The following WDR7 variants were observed in gnomAD, a reference collection of about 807,000 sequenced individuals.
The protein encoded by WDR7 is WD repeat domain 7.
WDR7 carries 46 observed loss-of-function variants against 169.4 expected under a neutral mutation model. That is an observed-to-expected ratio of 0.27 (90% CI 0.21 to 0.35). WDR7 has a LOEUF of 0.35. WDR7 is among the 10% of genes least tolerant of loss of function. The probability of loss-of-function intolerance (pLI) is 1.00; values close to 1 mark genes in which losing one functional copy is unlikely to be tolerated. For synonymous variants in WDR7, 612 were observed against 666.8 expected (o/e 0.92, Z 1.27); for missense variants, 1,534 against 1,859.3 (o/e 0.83, Z 3.22).
At chr18:56,686,735 G>T (rs2025451336) in intron 6 of WDR7, 120 bp from the exon 7 acceptor site, 3 of 825,356 alleles carry the variant, frequency 3.6e-6, no homozygotes, top group South Asian at 3.3e-5. Flanking sequence ...TTACCTGAGG[G>T]GCTAAAATGA....
At chr18:56,718,641 A>G (rs1433739212) in intron 13 of WDR7, among the ~76,000 whole-genome samples, 1 of 152,236 alleles carries the variant, frequency 6.6e-6, no homozygotes, top group Non-Finnish European at 1.5e-5. Flanking sequence ...TATAATGTAG[A>G]AATAGTAATG....
intron 26 of WDR7, among the ~76,000 whole-genome samples, chr18:56,976,360 G>C (rs1375055586): frequency 2.6e-5 from 4 of 152,156 alleles, no homozygotes; most frequent in African/African-American, 9.7e-5. Flanking sequence ...TGAGACAACG[G>C]AAAGATTTAG....
At chr18:56,671,207 G>A (rs1212043621) in intron 1 of WDR7, among the ~76,000 whole-genome samples, 3 of 151,316 alleles carry the variant, frequency 2.0e-5, no homozygotes, top group African/African-American at 4.9e-5. Flanking sequence ...AATGTTCAGA[G>A]TTTACAACAA....
intron 26 of WDR7, among the ~76,000 whole-genome samples, chr18:57,004,270 C>T (rs1413985156): frequency 1.3e-5 from 2 of 152,070 alleles, no homozygotes; most frequent in African/African-American, 4.8e-5. Flanking sequence ...CCACCCTGGC[C>T]TAGTACCACA....
At chr18:56,829,256 T>TAA (rs34752059) in intron 20 of WDR7, among the ~76,000 whole-genome samples, 1 of 142,638 alleles carries the variant, frequency 7.0e-6, no homozygotes, top group African/African-American at 2.6e-5. Flanking sequence ...AGGCCTTCTG[T>TAA]AAAAAAAAAA....
At chr18:56,763,368 T>C (rs1190315148) in intron 16 of WDR7, among the ~76,000 whole-genome samples, 1 of 152,174 alleles carries the variant, frequency 6.6e-6, no homozygotes, top group Admixed American at 6.5e-5. Flanking sequence ...ATTGAAATGA[T>C]TATTTGATTT....
intron 19 of WDR7, among the ~76,000 whole-genome samples, chr18:56,801,495 C>T (rs972223105): frequency 1.3e-5 from 2 of 152,132 alleles, no homozygotes; most frequent in African/African-American, 4.8e-5. Context: ...AAAGTTTATT[C>T]TTTGTAGCAG....
intron 1 of WDR7, among the ~76,000 whole-genome samples, chr18:56,656,152 G>GT (rs1273668754): frequency 1.3e-5 from 2 of 151,960 alleles, no homozygotes; most frequent in Non-Finnish European, 2.9e-5. Flanking sequence ...GTAAGTGTAT[G>GT]TTTAGTTTTT....
intron 21 of WDR7, among the ~76,000 whole-genome samples, chr18:56,904,934 C>CA (rs2046456237): frequency 6.6e-6 from 1 of 151,880 alleles, no homozygotes; most frequent in Admixed American, 6.6e-5. Context: ...GTTCTCCAGG[C>CA]AAAAAATTGA....
intron 14 of WDR7, among the ~76,000 whole-genome samples, chr18:56,745,271 A>G (rs2043684959): frequency 6.6e-6 from 1 of 152,228 alleles, no homozygotes; most frequent in Admixed American, 6.5e-5. Context: ...TGCACAGAAT[A>G]TCAAGGCATC....
Position 56,866,046 on chromosome 18 carries a change from A to G in WDR7, c.3305-13898A>G, listed in dbSNP as rs1599112575. 3.9e-5 allele frequency among the ~76,000 whole-genome samples: 6 copies of G among 152,300 alleles called. 1 individual carries two copies. In the South Asian group the frequency reaches 1.2e-3, roughly 32 times the overall value. Reference sequence around the variant, plus strand: ...AGGCATCAAATATTAACTAATTTCTATGCAGTAAACACTGAGATTGTAGGT... The same window carrying G: ...AGGCATCAAATATTAACTAATTTCTGTGCAGTAAACACTGAGATTGTAGGT... On this transcript the variant is annotated intron_variant, in intron 20 of 27. Coordinates refer to ENST00000254442, the MANE Select transcript of WDR7 (RefSeq NM_015285.3).
chr18:56,700,508 G>C (rs1377705204), intron 12 of WDR7, among the ~76,000 whole-genome samples: 3 of 149,688 alleles, frequency 2.0e-5, no homozygotes, highest in East Asian at 2.0e-4. Flanking sequence ...ACCCACCTCG[G>C]CCTCTCAAAG....
intron 19 of WDR7, among the ~76,000 whole-genome samples, chr18:56,801,634 C>A (rs2044674116): frequency 6.6e-6 from 1 of 152,164 alleles, no homozygotes; most frequent in South Asian, 2.1e-4. Context: ...CAATCCCTGG[C>A]AATCACTCAT....
Position 56,757,104 on chromosome 18 carries a change from C to T in WDR7, c.2511C>T (p.Leu837=). The T allele has an allele frequency of 1.2e-6, 2 of 1,614,146 alleles. No homozygotes were observed. The highest frequency in any genetic ancestry group is 1.7e-6 in the Non-Finnish European group (2 of 1,180,024). The change falls in exon 15 of 28, where the codon CTC becomes CTT. Residue 837 remains leucine, a synonymous_variant. Transcript: ENST00000254442. ...LKPHCTVSFG[L]LSRGGHMSLM... is the part of the protein sequence containing the mutation. ...CCCACTGCACCGTATCGTTTGGCCT[C>T]TTGTCAAGAGGAGGCCATATGTCAC... is the stretch of plus-strand genomic sequence containing the variant.
At chr18:56,936,049 ATG>A in intron 23 of WDR7, 144 bp downstream of exon 23, 1 of 724,716 alleles carries the variant, frequency 1.4e-6, no homozygotes, top group African/African-American at 1.8e-5. Flanking sequence ...AAATGAACAC[ATG>A]TGTCTGTGTG....
downstream of WDR7, chr18:57,033,423 C>T (rs1175579021): frequency 2.6e-5 from 4 of 152,210 alleles, no homozygotes. Flanking sequence ...ATGCTGCCAA[C>T]AATCAAGAAA....
intron 19 of WDR7, among the ~76,000 whole-genome samples, chr18:56,793,953 G>A (rs7238811): frequency 0.075 from 11,427 of 152,178 alleles, 1,060 homozygotes; most frequent in African/African-American, 0.22. Flanking sequence ...ACTAATCAGT[G>A]AATCTTTTTT....
At chr18:56,863,035 G>A (rs547960157) in intron 20 of WDR7, among the ~76,000 whole-genome samples, 92 of 151,806 alleles carry the variant, frequency 6.1e-4, no homozygotes, top group Non-Finnish European at 9.2e-4. Flanking sequence ...TACCCAGTGA[G>A]ATTTGAGAGT....
At chr18:56,800,653 A>G (rs138892501) in intron 19 of WDR7, among the ~76,000 whole-genome samples, 49 of 152,086 alleles carry the variant, frequency 3.2e-4, no homozygotes, top group African/African-American at 1.2e-3. Flanking sequence ...GCTCCTAATA[A>G]CTGTCTGAGG....
Sources: gnomAD v4.1 joint callset for allele counts (sites outside exome capture counted in the v4.1 genomes callset) on GRCh38, gnomAD v4.1.1 for gene constraint, MANE v1.5 for transcripts, NCBI Gene and HGNC (gene_info 2026-07-23, HGNC 2026-07-21) for gene names.